DNAJC7: variants seen among roughly 807,000 people sequenced by gnomAD.
DNAJC7 encodes the protein dnaJ homolog subfamily C member 7.
A neutral mutation model predicts 67.4 loss-of-function variants in DNAJC7; 18 were observed. That is an observed-to-expected ratio of 0.27 (90% CI 0.18 to 0.40). DNAJC7 has a LOEUF of 0.40. Among genes scored for constraint, DNAJC7 ranks in the 10% least tolerant of loss-of-function variants. DNAJC7 has a pLI of 1.00. For synonymous variants in DNAJC7, 220 were observed against 207.8 expected (o/e 1.06, Z -0.50); for missense variants, 419 against 613.8 (o/e 0.68, Z 3.35).
intron 3 of DNAJC7, 75 bp from the exon 4 acceptor site, chr17:41,996,499 C>T (rs1567963455): frequency 1.4e-6 from 2 of 1,397,888 alleles, no homozygotes; most frequent in Non-Finnish European, 9.9e-7. Flanking sequence ...GCAACAGACA[C>T]CCACACAAAA....
intron 9 of DNAJC7, among the ~76,000 whole-genome samples, chr17:41,987,156 G>A (rs1555646997): frequency 1.3e-5 from 2 of 152,148 alleles, no homozygotes; most frequent in Non-Finnish European, 2.9e-5. Context: ...GAGCAACCAT[G>A]CCAGGGAGCA....
intron 12 of DNAJC7, among the ~76,000 whole-genome samples, chr17:41,980,201 C>T (rs1555645783): frequency 6.6e-6 from 1 of 151,814 alleles, no homozygotes; most frequent in Admixed American, 6.6e-5. Context: ...AGGCGTGCGC[C>T]ACCATGGCTA....
intron 1 of DNAJC7, 116 bp downstream of exon 1, chr17:42,017,224 G>T (rs2052327426): frequency 6.3e-7 from 1 of 1,597,942 alleles, no homozygotes; most frequent in Admixed American, 1.7e-5. Context: ...ATGGGGGGGT[G>T]TTTGCGGAGG....
chr17:41,977,286 G>A lies in DNAJC7; in HGVS notation c.1422C>T (p.Gly474=), dbSNP rs372894086. 168 of 1,584,244 alleles carry A rather than the reference G, an allele frequency of 1.1e-4. No individual in the cohort carries two copies. The highest frequency in any genetic ancestry group is 9.9e-4 in the Middle Eastern group (6 of 6,058). Residue 474 remains glycine (G), a synonymous_variant, in exon 13 of 14, where the codon GGC becomes GGT. Transcript: ENST00000457167. The stretch of plus-strand genomic sequence containing the variant: ...CTTCAAAGCTGAAGCCGCCAGGACC[G>A]CCAAAGAATGCCTTGAAGATATTGT... ...DPNNIFKAFF[G]GPGGFSFEAS...
At chr17:42,005,966 GAC>G (rs1190386512) in intron 1 of DNAJC7, among the ~76,000 whole-genome samples, 1 of 147,910 alleles carries the variant, frequency 6.8e-6, no homozygotes, top group African/African-American at 2.5e-5. Context: ...TATTTTTTGA[GAC>G]ACAGTCTGAC....
intron 10 of DNAJC7, among the ~76,000 whole-genome samples, chr17:41,982,968 AAAAAAG>A (rs1427021327): frequency 2.0e-5 from 3 of 151,842 alleles, no homozygotes; most frequent in African/African-American, 7.3e-5. Flanking sequence ...TTAAAAAAAA[AAAAAAG>A]AAAAAGAAAA....
At chr17:41,996,980 T>G in intron 3 of DNAJC7, 135 bp downstream of exon 3, 1 of 1,373,286 alleles carries the variant, frequency 7.3e-7, no homozygotes, top group South Asian at 1.4e-5. Context: ...CAACCCACAG[T>G]GCACAGTAAA....
rs782101114 is a variant in DNAJC7, at chr17:42,017,423, G to T, written c.-7C>A. ...ACTCCGCGGCAGCCGCCATCTTACC[G>T]CCGGGACCAGAGAGCTGGGTGGGAG... On this transcript the variant is annotated 5_prime_UTR_variant, in exon 1 of 14. Coordinates refer to ENST00000457167, the MANE Select transcript of DNAJC7 (RefSeq NM_003315.4). 2 of 1,605,986 alleles carry T rather than the reference G, an allele frequency of 1.2e-6. No individual in the cohort carries two copies. Among genetic ancestry groups the T allele is most frequent in the Non-Finnish European group, 8.5e-7 (1 of 1,179,830 alleles).
chr17:41,979,680 A>AAAT (rs1555645639), intron 12 of DNAJC7, among the ~76,000 whole-genome samples: 1 of 146,608 alleles, frequency 6.8e-6, no homozygotes, highest in Admixed American at 6.8e-5. Flanking sequence ...AAAAAAAAAA[A>AAAT]GGCCGGGCGC....
intron 9 of DNAJC7, chr17:41,986,024 T>G (rs1293836650): frequency 7.7e-6 from 1 of 129,760 alleles, no homozygotes; most frequent in Non-Finnish European, 1.6e-5. Context: ...ATCAAGAATT[T>G]TCTATGGTGT....
chr17:41,983,107 G>C (rs146484885), intron 10 of DNAJC7, among the ~76,000 whole-genome samples: 66 of 152,034 alleles, frequency 4.3e-4, no homozygotes, highest in Non-Finnish European at 7.7e-4. Context: ...CAAGATATCT[G>C]TTCACTTTTT....
At chr17:41,995,117 T>G (rs2051621286) in intron 4 of DNAJC7, 173 bp from the exon 5 acceptor site, 4 of 677,394 alleles carry the variant, frequency 5.9e-6, no homozygotes, top group Non-Finnish European at 1.1e-5. Flanking sequence ...ATTTTTATGA[T>G]CCAGTTCTAG....
chr17:42,013,841 T>A (rs529453162), intron 1 of DNAJC7: 17 of 152,390 alleles, frequency 1.1e-4, no homozygotes, highest in African/African-American at 3.6e-4. Flanking sequence ...GTCGCCCAGG[T>A]TGGAGTGCAA....
rs150999906 is a variant in DNAJC7, at chr17:41,995,530, G to A, written c.406-586C>T. Among the ~76,000 whole-genome samples, 1,108 of 152,252 alleles carry A rather than the reference G, an allele frequency of 7.3e-3. 9 individuals are homozygous for A. The highest frequency in any genetic ancestry group is 0.027 in the Middle Eastern group (8 of 294). On this transcript the variant is annotated intron_variant, in intron 4 of 13. Coordinates refer to ENST00000457167, the MANE Select transcript of DNAJC7 (RefSeq NM_003315.4). ...ACCGTATTTTTACTGTACCTTTTCTGTTTAGATACACAAATACCACTGTGT... is the reference window on the plus strand; with the variant it reads ...ACCGTATTTTTACTGTACCTTTTCTATTTAGATACACAAATACCACTGTGT...
intron 5 of DNAJC7, among the ~76,000 whole-genome samples, chr17:41,993,384 A>T (rs1057196792): frequency 6.6e-6 from 1 of 152,252 alleles, no homozygotes; most frequent in East Asian, 1.9e-4. Context: ...GCATGAACCC[A>T]GGAGGCGGAG....
intron 5 of DNAJC7, among the ~76,000 whole-genome samples, chr17:41,994,480 A>G (rs1384225701): frequency 6.9e-6 from 1 of 145,546 alleles, no homozygotes; most frequent in Non-Finnish European, 1.5e-5. Context: ...GCAGTTAGCC[A>G]CTGTGCTCCA....
intron 12 of DNAJC7, among the ~76,000 whole-genome samples, chr17:41,979,787 C>A (rs8067085): frequency 4.6e-5 from 7 of 151,166 alleles, no homozygotes; most frequent in South Asian, 2.1e-4. Context: ...ATGGTAAAAC[C>A]CCGTCTCTAC....
chr17:41,982,102 T>A, intron 11 of DNAJC7, 95 bp from the exon 12 acceptor site: 1 of 1,562,512 alleles, frequency 6.4e-7, no homozygotes. Flanking sequence ...ATTTTGGAAT[T>A]TGGCACTTCC....
intron 8 of DNAJC7, 145 bp downstream of exon 8, chr17:41,988,587 T>A: frequency 9.9e-7 from 1 of 1,009,450 alleles, no homozygotes; most frequent in Non-Finnish European, 1.4e-6. Flanking sequence ...AGCTTGCCTC[T>A]TGGAAGGGAG....
Sources: allele counts gnomAD v4.1 joint callset (sites outside exome capture counted in the v4.1 genomes callset), GRCh38; gene constraint gnomAD v4.1.1; transcripts MANE v1.5; gene names NCBI Gene and HGNC (gene_info 2026-07-23, HGNC 2026-07-21).